Variants in CDH12 observed in about 807,000 individuals in gnomAD.
CDH12 encodes the protein cadherin 12.
In CDH12, 41 loss-of-function variants were observed where a neutral mutation model predicts 74.1. The ratio of observed to expected loss-of-function variants is 0.55; its 90% CI spans 0.43 to 0.72. The LOEUF (loss-of-function observed/expected upper bound fraction) is 0.72, where lower values mean the gene tolerates loss of function less well. Ranked by LOEUF, CDH12 falls within the 30% of genes least tolerant of loss-of-function variation. CDH12 has a pLI of 0.00. For synonymous variants in CDH12, 399 were observed against 355.0 expected (o/e 1.12, Z -1.39); for missense variants, 945 against 977.2 (o/e 0.97, Z 0.44).
intron 6 of CDH12, among the ~76,000 whole-genome samples, chr5:21,924,156 T>C (rs1464629590): frequency 6.6e-6 from 1 of 152,200 alleles, no homozygotes; most frequent in African/African-American, 2.4e-5. Context: ...ATAGCAACCA[T>C]GCACTTTTTT....
chr5:22,025,085 C>T (rs952329453), intron 5 of CDH12, among the ~76,000 whole-genome samples: 2 of 152,056 alleles, frequency 1.3e-5, no homozygotes, highest in African/African-American at 2.4e-5. Context: ...AAACCACCAT[C>T]CCTGATTTAG....
Position 22,401,840 on chromosome 5 carries a change from A to G in CDH12, c.-333+3417T>C, listed in dbSNP as rs545535615. 1.3e-3 allele frequency among the ~76,000 whole-genome samples: 194 copies of G among 152,282 alleles called. 1 individual carries two copies. Among genetic ancestry groups the G allele is most frequent in the African/African-American group, 4.2e-3 (173 of 41,564 alleles). ...AGAAGATGGGAAGACATACAGAGACACACTGAGGGGAAGGCCATGTGGAGA... is the reference window on the plus strand; with the variant it reads ...AGAAGATGGGAAGACATACAGAGACGCACTGAGGGGAAGGCCATGTGGAGA... On this transcript the variant is annotated intron_variant, in intron 3 of 14. Transcript: ENST00000382254.
At chr5:22,033,440 T>C (rs1738964008) in intron 5 of CDH12, among the ~76,000 whole-genome samples, 1 of 152,194 alleles carries the variant, frequency 6.6e-6, no homozygotes, top group Admixed American at 6.5e-5. Flanking sequence ...AATAGTGTTA[T>C]TCATACCGGA....
chr5:22,008,233 A>AT (rs370005873), intron 5 of CDH12, among the ~76,000 whole-genome samples: 2,940 of 145,998 alleles, frequency 0.02, 89 homozygotes, highest in African/African-American at 0.067. Context: ...GAACTATACA[A>AT]TTTTTTTTTT....
intron 3 of CDH12, among the ~76,000 whole-genome samples, chr5:22,229,382 T>G (rs543995226): frequency 7.2e-6 from 1 of 138,244 alleles, no homozygotes; most frequent in African/African-American, 2.7e-5. Context: ...GACTAGACAT[T>G]AAGAATAACA....
rs1751967280 is a variant in CDH12, at chr5:21,876,887, G to A, written c.527-22097C>T. Among the ~76,000 whole-genome samples the A allele has an allele frequency of 2.0e-5, 3 of 152,134 alleles. 1 individual carries two copies. The highest frequency in any genetic ancestry group is 3.9e-4 in the East Asian group (2 of 5,190). On this transcript the variant is annotated intron_variant, in intron 6 of 14. Coordinates refer to ENST00000382254, the MANE Select transcript of CDH12 (RefSeq NM_004061.5). The stretch of plus-strand genomic sequence containing the variant: ...TCATATTATGCCCTTTATACATGCT[G>A]TTGTCAAAATCAGAAATGTTCTTTT...
At chr5:22,011,624 TACTA>T (rs1737299337) in intron 5 of CDH12, among the ~76,000 whole-genome samples, 1 of 152,202 alleles carries the variant, frequency 6.6e-6, no homozygotes, top group South Asian at 2.1e-4. Context: ...GGACTTTGTA[TACTA>T]ACTTAGTCCC....
intron 3 of CDH12, among the ~76,000 whole-genome samples, chr5:22,353,094 C>T (rs764580853): frequency 1.6e-4 from 24 of 152,188 alleles, no homozygotes; most frequent in East Asian, 3.9e-4. Flanking sequence ...AAACAAACAA[C>T]AACAAAAAGC....
rs11445293 is a variant in CDH12 at position 22,368,466 on chromosome 5, ATTTTTTTT to A, written c.-333+36783_-333+36790del. ...AGGAGTCTACCACCAAGTCTGGCTA[ATTTTTTTT>A]TTTTTTTTTTGCAGAGACAGGGTTT... On this transcript the variant is annotated intron_variant, in intron 3 of 14. Coordinates refer to ENST00000382254, the MANE Select transcript of CDH12 (RefSeq NM_004061.5). Among the ~76,000 whole-genome samples the A allele has an allele frequency of 3.0e-5, 4 of 135,298 alleles. No homozygotes were observed. In the Admixed American group the frequency reaches 3.0e-4, roughly 10 times the overall value. 88.8% of individuals were successfully genotyped at this position (135,298 alleles called of 152,430 possible). A position where few individuals can be genotyped will look rare whatever the true frequency, so the allele number is the denominator to read the frequency against.
At chr5:22,064,943 G>A (rs1039410878) in intron 5 of CDH12, among the ~76,000 whole-genome samples, 1 of 152,188 alleles carries the variant, frequency 6.6e-6, no homozygotes, top group African/African-American at 2.4e-5. Flanking sequence ...TGCTGTTAAA[G>A]TGAGCAAAGT....
chr5:21,859,060 C>T (rs191698318), intron 6 of CDH12, among the ~76,000 whole-genome samples: 2 of 151,946 alleles, frequency 1.3e-5, no homozygotes, highest in East Asian at 3.9e-4. Context: ...ATGTTGTGTG[C>T]TAGATGTCCA....
chr5:22,526,531 C>G (rs1737289500), intron 1 of CDH12, among the ~76,000 whole-genome samples: 1 of 152,118 alleles, frequency 6.6e-6, no homozygotes, highest in South Asian at 2.1e-4. Context: ...AGCTGCATGT[C>G]AGGTATTAGA....
At chr5:22,405,982 G>C (rs1742922556) in intron 2 of CDH12, among the ~76,000 whole-genome samples, 1 of 152,094 alleles carries the variant, frequency 6.6e-6, no homozygotes, top group African/African-American at 2.4e-5. Context: ...GGATTATTTA[G>C]GAAATAATGG....
chr5:22,841,479 G>C (rs1301120194), intron 1 of CDH12, among the ~76,000 whole-genome samples: 2 of 152,140 alleles, frequency 1.3e-5, no homozygotes, highest in East Asian at 3.9e-4. Flanking sequence ...CCAAAAAAAA[G>C]TTGAGTATAG....
chr5:22,824,672 T>C (rs1201829025), intron 1 of CDH12, among the ~76,000 whole-genome samples: 7 of 151,364 alleles, frequency 4.6e-5, no homozygotes, highest in Non-Finnish European at 8.9e-5. Flanking sequence ...AAGAAATAAA[T>C]AAAAAGTAAA....
intron 3 of CDH12, among the ~76,000 whole-genome samples, chr5:22,356,703 C>T (rs1004248581): frequency 6.6e-6 from 1 of 152,038 alleles, no homozygotes; most frequent in African/African-American, 2.4e-5. Context: ...CCAAGTATAT[C>T]TTCAATCCTT....
chr5:21,778,474 A>C, intron 11 of CDH12, among the ~76,000 whole-genome samples: 1 of 149,998 alleles, frequency 6.7e-6, no homozygotes, highest in African/African-American at 2.4e-5. Flanking sequence ...GCCAAAAAAA[A>C]AAAAAAAAAA....
chr5:22,093,202 G>A (rs1049019014), intron 4 of CDH12, among the ~76,000 whole-genome samples: 1 of 152,180 alleles, frequency 6.6e-6, no homozygotes. Flanking sequence ...TTACTAGCAG[G>A]TGTGGGGTGA....
chr5:21,840,182 G>A (rs1005880132), intron 8 of CDH12, among the ~76,000 whole-genome samples: 1 of 152,078 alleles, frequency 6.6e-6, no homozygotes, highest in Non-Finnish European at 1.5e-5. Context: ...TTAATTATAT[G>A]ACATAGCATC....
Sources: allele counts gnomAD v4.1 joint callset (sites outside exome capture counted in the v4.1 genomes callset), GRCh38; gene constraint gnomAD v4.1.1; transcripts MANE v1.5; gene names NCBI Gene and HGNC (gene_info 2026-07-23, HGNC 2026-07-21).